The following GVQW3 variants were observed in gnomAD, a reference collection of about 807,000 sequenced individuals.
GVQW3 encodes the protein protein GVQW3.
Under a neutral mutation model 12.5 loss-of-function variants are expected in GVQW3, and 7 were observed. That is an observed-to-expected ratio of 0.56 (90% CI 0.32 to 1.05). The LOEUF is 1.05. GVQW3 is among the 50% of genes least tolerant of loss of function. GVQW3 has a pLI of 0.04. For synonymous variants in GVQW3, 71 were observed against 67.2 expected, an observed-to-expected ratio of 1.06 and a Z score of -0.28; for missense variants, 188 against 190.8, an observed-to-expected ratio of 0.99 and a Z score of 0.09.
chr11:76,381,600 AT>A lies in GVQW3; in HGVS notation c.-224del. On this transcript the variant is annotated 5_prime_UTR_variant, in exon 1 of 2. An upstream open reading frame in the 5' UTR loses its in-frame stop. Coordinates refer to ENST00000529331, the MANE Select transcript of GVQW3 (RefSeq NM_001347885.2). ...TGCAGACGTGGTTGTAGGCGATTTA[AT>A]TTTTCCCAGCTTTGCAGCGACTGTT... The A allele has an allele frequency of 2.1e-6, 1 of 473,700 alleles. No homozygotes were observed. The highest frequency in any genetic ancestry group is 3.7e-6 in the Non-Finnish European group (1 of 268,944). 29.3% of individuals were successfully genotyped at this position (473,700 alleles called of 1,614,324 possible). A position where few individuals can be genotyped will look rare whatever the true frequency, so the allele number is the denominator to read the frequency against.
downstream of GVQW3, among the ~76,000 whole-genome samples, chr11:76,409,601 C>T (rs575681721): frequency 6.6e-6 from 1 of 152,344 alleles, no homozygotes. Flanking sequence ...CTCCTTTCCT[C>T]CTCACCGCCC....
In GVQW3 at chr11:76,405,038, A is replaced by T. The variant is rs981138271; in HGVS notation, c.*1280A>T. The T allele has an allele frequency of 1.3e-5, 2 of 152,160 alleles. No homozygotes were observed. The highest frequency in any genetic ancestry group is 1.3e-4 in the Admixed American group (2 of 15,276). 9.4% of individuals were successfully genotyped at this position (152,160 alleles called of 1,614,324 possible). A position where few individuals can be genotyped will look rare whatever the true frequency, so the allele number is the denominator to read the frequency against. Reference sequence around the variant, plus strand: ...AGTAATGATAACTAACAGTGACTTAAATAAGTAGTTATTTTCTGGCATAAT... The same window carrying T: ...AGTAATGATAACTAACAGTGACTTATATAAGTAGTTATTTTCTGGCATAAT... On this transcript the variant is annotated 3_prime_UTR_variant, in exon 2 of 2. Transcript: ENST00000529331.
chr11:76,386,435 A>G (rs1946835128), intron 1 of GVQW3, among the ~76,000 whole-genome samples: 1 of 152,214 alleles, frequency 6.6e-6, no homozygotes, highest in Admixed American at 6.5e-5. Flanking sequence ...ACTTTTTTTC[A>G]GATGAATTTC....
intron 1 of GVQW3, among the ~76,000 whole-genome samples, chr11:76,387,207 G>A (rs891525880): frequency 5.3e-5 from 8 of 151,982 alleles, no homozygotes; most frequent in African/African-American, 9.7e-5. Flanking sequence ...AGGCCGAGGC[G>A]GGTGGATCAC....
At position 76,407,987 on chromosome 11, in the gene GVQW3, G is replaced by A. The variant is rs1406920760; in HGVS notation, c.*4229G>A. 1.3e-5 allele frequency: 2 copies of A among 151,918 alleles called. No homozygotes were observed. The highest frequency in any genetic ancestry group is 6.6e-5 in the Admixed American group (1 of 15,248). 9.4% of individuals were successfully genotyped at this position (151,918 alleles called of 1,614,324 possible). On this transcript the variant is annotated 3_prime_UTR_variant, in exon 2 of 2. Coordinates refer to ENST00000529331, the MANE Select transcript of GVQW3 (RefSeq NM_001347885.2). ...AGATCCAAAACATTACCAGTGGTTT[G>A]ATCTGGGTGATGAAATTATAAGTGA... is the stretch of plus-strand genomic sequence containing the variant.
chr11:76,413,875 C>T (rs1947098320), exon 2 of GVQW3: 1 of 152,030 alleles, frequency 6.6e-6, no homozygotes, highest in South Asian at 2.1e-4. Context: ...GTGCCGCTCA[C>T]CCTATGCTTT....
chr11:76,393,471 C>T (rs145781991), intron 1 of GVQW3, among the ~76,000 whole-genome samples: 2 of 152,318 alleles, frequency 1.3e-5, no homozygotes, highest in Non-Finnish European at 2.9e-5. Context: ...CTACACTGCT[C>T]CTGTGCTATT....
downstream of GVQW3, chr11:76,412,613 C>T (rs1263233703): frequency 2.0e-5 from 3 of 152,222 alleles, no homozygotes; most frequent in East Asian, 5.8e-4. Flanking sequence ...ACCTTGGCCT[C>T]TGTCCCTCAG....
chr11:76,397,917 C>T (rs1169700389), intron 1 of GVQW3, among the ~76,000 whole-genome samples: 1 of 151,878 alleles, frequency 6.6e-6, no homozygotes, highest in African/African-American at 2.4e-5. Context: ...GGTGGATCAT[C>T]TGAGGTCAGG....
Position 76,403,930 on chromosome 11 carries a change from T to C in GVQW3, c.*172T>C. On this transcript the variant is annotated 3_prime_UTR_variant, in exon 2 of 2. Coordinates refer to ENST00000529331, the MANE Select transcript of GVQW3 (RefSeq NM_001347885.2). ...CTTTTTGTTCTATTCAGGTCCTCAA[T>C]GAATTGGATGATGTCCATGCACATT... The C allele has an allele frequency of 1.4e-6, 1 of 702,038 alleles. No individual in the cohort carries two copies. Among genetic ancestry groups the C allele is most frequent in the East Asian group, 2.7e-5 (1 of 37,244 alleles). 43.5% of individuals were successfully genotyped at this position (702,038 alleles called of 1,614,324 possible).
chr11:76,390,202 A>G (rs566963831), intron 1 of GVQW3: 2 of 152,322 alleles, frequency 1.3e-5, no homozygotes, highest in East Asian at 3.9e-4. Flanking sequence ...ATAGGCCTAT[A>G]GCTCATATAA....
rs1946779377 is a variant in GVQW3, at chr11:76,382,164, G to C, written c.336G>C (p.Leu112Phe). Residue 112 changes from leucine (L) to phenylalanine (F), a missense_variant, in exon 1 of 2, where the codon TTG becomes TTC. Physicochemically the swap from Leu to Phe is conservative, Grantham distance 22 (BLOSUM62 0). Coordinates refer to ENST00000529331, the MANE Select transcript of GVQW3 (RefSeq NM_001347885.2). ...TTAGGCTCATTTTGAAAGAAAACTT[G>C]AACATGAGGAAGATTTCTGCAAAAG... The part of the protein sequence containing the change: ...ETVRLILKEN[L>F]NMRKISAKVI... The C allele has an allele frequency of 6.5e-7, 1 of 1,536,212 alleles. No individual in the cohort carries two copies. The highest frequency in any genetic ancestry group is 2.4e-5 in the East Asian group (1 of 40,926).
chr11:76,405,425 G>T lies in GVQW3; in HGVS notation c.*1667G>T, dbSNP rs1418332560. The T allele has an allele frequency of 6.6e-6, 1 of 152,188 alleles. No homozygotes were observed. The highest frequency in any genetic ancestry group is 2.4e-5 in the African/African-American group (1 of 41,424). 9.4% of individuals were successfully genotyped at this position (152,188 alleles called of 1,614,324 possible). A position where few individuals can be genotyped will look rare whatever the true frequency, so the allele number is the denominator to read the frequency against. ...GTGTGTGTTTGTGTGTCTGCGTGTG[G>T]TTATATGTATATTTTCCATTTTCCC... On this transcript the variant is annotated 3_prime_UTR_variant, in exon 2 of 2. Coordinates refer to ENST00000529331, the MANE Select transcript of GVQW3 (RefSeq NM_001347885.2).
At chr11:76,399,849 C>T (rs1946971655) in intron 1 of GVQW3, among the ~76,000 whole-genome samples, 1 of 152,106 alleles carries the variant, frequency 6.6e-6, no homozygotes, top group Admixed American at 6.5e-5. Flanking sequence ...CACTGGCTCT[C>T]CTTTTCCTCA....
At chr11:76,403,440 G>A (rs1028155373) in intron 1 of GVQW3, among the ~76,000 whole-genome samples, 21 of 152,154 alleles carry the variant, frequency 1.4e-4, no homozygotes, top group South Asian at 6.2e-4. Context: ...GCCCAAAGAC[G>A]AAGACCTGAG....
chr11:76,397,436 G>A (rs1946949540), intron 1 of GVQW3, among the ~76,000 whole-genome samples: 1 of 152,194 alleles, frequency 6.6e-6, no homozygotes, highest in Non-Finnish European at 1.5e-5. Flanking sequence ...GAATGCTCAT[G>A]TACAAGGTTT....
chr11:76,384,820 A>G (rs953326200), intron 1 of GVQW3, among the ~76,000 whole-genome samples: 15 of 152,248 alleles, frequency 9.9e-5, no homozygotes, highest in Non-Finnish European at 1.9e-4. Flanking sequence ...ACTTGGCACC[A>G]GGGACACTGC....
intron 1 of GVQW3, among the ~76,000 whole-genome samples, chr11:76,395,888 A>T (rs1190445213): frequency 6.6e-6 from 1 of 152,192 alleles, no homozygotes; most frequent in East Asian, 1.9e-4. Context: ...GACCAGAGTA[A>T]TATTAGTCTA....
intron 1 of GVQW3, among the ~76,000 whole-genome samples, chr11:76,401,026 T>TA (rs1946984093): frequency 4.7e-5 from 7 of 150,414 alleles, no homozygotes; most frequent in African/African-American, 1.7e-4. Context: ...GGCTTCTATT[T>TA]TTATATATAT....
Sources: gnomAD v4.1 joint callset for allele counts (sites outside exome capture counted in the v4.1 genomes callset) on GRCh38, gnomAD v4.1.1 for gene constraint, MANE v1.5 for transcripts, NCBI Gene and HGNC (gene_info 2026-07-23, HGNC 2026-07-21) for gene names.